The following TEX11 variants were observed in gnomAD, a reference collection of about 807,000 sequenced individuals.
TEX11 encodes the protein testis-expressed protein 11.
In TEX11, 7 loss-of-function variants were observed where a neutral mutation model predicts 84.4. The ratio of observed to expected loss-of-function variants is 0.08; its 90% CI spans 0.05 to 0.16. The LOEUF is 0.16. Among genes scored for constraint, TEX11 ranks in the 10% least tolerant of loss-of-function variants. TEX11 has a pLI of 1.00. For synonymous variants in TEX11, 264 were observed against 222.8 expected (o/e 1.18, Z -1.64); for missense variants, 551 against 660.5 (o/e 0.83, Z 1.82).
intron 17 of TEX11, among the ~76,000 whole-genome samples, chrX:70,648,501 TA>T (rs1569378255): frequency 9.0e-6 from 1 of 110,899 alleles, no homozygotes; most frequent in Non-Finnish European, 1.9e-5. Context: ...AATAAGTTTT[TA>T]AAAAAGACAA....
At position 70,682,829 on chromosome X, in the gene TEX11, T is replaced by C. The variant is rs894813518; in HGVS notation, c.1005-4A>G. 7.5e-6 allele frequency: 9 copies of C among 1,203,725 alleles called. No homozygotes were observed. Among genetic ancestry groups the C allele is most frequent in the Middle Eastern group, 2.3e-4 (1 of 4,324 alleles). ...GAAATGAAACCCAACAGATTCTCTGTACAATGAGACACAATTTTAAGCAAT... is the reference window on the plus strand; with the variant it reads ...GAAATGAAACCCAACAGATTCTCTGCACAATGAGACACAATTTTAAGCAAT... On this transcript the variant is annotated splice_polypyrimidine_tract_variant and splice_region_variant and intron_variant, in intron 13 of 29. Transcript: ENST00000374333.
At chrX:70,669,487 T>C (rs2147635382) in intron 16 of TEX11, among the ~76,000 whole-genome samples, 1 of 112,829 alleles carries the variant, frequency 8.9e-6, no homozygotes, top group East Asian at 2.8e-4. Context: ...AGTTAAATGC[T>C]AGCCTGTACA....
At chrX:70,642,201 C>G (rs1162367626) in intron 17 of TEX11, among the ~76,000 whole-genome samples, 1 of 111,933 alleles carries the variant, frequency 8.9e-6, no homozygotes, top group Admixed American at 9.5e-5. Flanking sequence ...CACATACACT[C>G]TTCCAAGACT....
chrX:70,640,938 A>G (rs746328543), intron 17 of TEX11, among the ~76,000 whole-genome samples: 1 of 111,128 alleles, frequency 9.0e-6, no homozygotes, highest in South Asian at 4.0e-4. Flanking sequence ...TTAAATGTAA[A>G]TGGACTAAAT....
At chrX:70,869,086 A>ATAAAG (rs2091616297) in intron 4 of TEX11, among the ~76,000 whole-genome samples, 1 of 103,872 alleles carries the variant, frequency 9.6e-6, no homozygotes, top group African/African-American at 3.5e-5. Context: ...ATAAAATAAA[A>ATAAAG]TAAAATAAAA....
At chrX:70,852,980 C>T in intron 7 of TEX11, 54 bp downstream of exon 7, 1 of 1,161,145 alleles carries the variant, frequency 8.6e-7, no homozygotes, top group Non-Finnish European at 1.2e-6. Context: ...ATCACTTTTA[C>T]TTTTACATAT....
At chrX:70,759,342 T>C (rs192198704) in intron 9 of TEX11, among the ~76,000 whole-genome samples, 1 of 111,778 alleles carries the variant, frequency 8.9e-6, no homozygotes, top group East Asian at 2.8e-4. Context: ...CCAATAGCCC[T>C]GCTGAACATC....
chrX:70,572,768 G>A (rs1403313603), intron 25 of TEX11, among the ~76,000 whole-genome samples: 7 of 101,315 alleles, frequency 6.9e-5, no homozygotes, highest in South Asian at 5.0e-4. Flanking sequence ...ACCAAGCACC[G>A]CATGTTCTCA....
intron 25 of TEX11, among the ~76,000 whole-genome samples, chrX:70,566,016 T>G (rs1451633073): frequency 7.3e-5 from 8 of 110,199 alleles, no homozygotes; most frequent in Non-Finnish European, 1.1e-4. Context: ...TTTCACGATA[T>G]TGATTCCTCC....
intron 25 of TEX11, among the ~76,000 whole-genome samples, chrX:70,589,890 A>T (rs2147495211): frequency 8.9e-6 from 1 of 112,076 alleles, no homozygotes; most frequent in East Asian, 2.8e-4. Context: ...TTCTACTATG[A>T]GTTATTTTCA....
chrX:70,805,651 T>C (rs925239022), intron 9 of TEX11, among the ~76,000 whole-genome samples: 2 of 112,201 alleles, frequency 1.8e-5, no homozygotes, highest in Non-Finnish European at 3.8e-5. Flanking sequence ...TCTGCCCACC[T>C]TGGCCTCCCA....
chrX:70,753,415 G>A (rs766804437), intron 9 of TEX11, among the ~76,000 whole-genome samples: 1 of 111,166 alleles, frequency 9.0e-6, no homozygotes, highest in African/African-American at 3.3e-5. Context: ...GCTACAGTAG[G>A]ATAGGGCCTG....
chrX:70,732,011 A>G (rs2090656353), intron 11 of TEX11, among the ~76,000 whole-genome samples: 1 of 112,204 alleles, frequency 8.9e-6, no homozygotes, highest in South Asian at 3.7e-4. Flanking sequence ...GTGCAAATCA[A>G]TAAATGTAAT....
At chrX:70,791,530 T>C (rs771005992) in intron 9 of TEX11, among the ~76,000 whole-genome samples, 4 of 111,939 alleles carry the variant, frequency 3.6e-5, no homozygotes, top group African/African-American at 6.5e-5. Context: ...CTACAAAATA[T>C]GTCACTCAGC....
chrX:70,696,098 A>G (rs1467152123), intron 13 of TEX11, among the ~76,000 whole-genome samples: 1 of 111,630 alleles, frequency 9.0e-6, no homozygotes, highest in Non-Finnish European at 1.9e-5. Context: ...TACCTGAAAA[A>G]CCTTAACCCT....
chrX:70,527,656 T>C (rs1432892519), downstream of TEX11, among the ~76,000 whole-genome samples: 3 of 112,092 alleles, frequency 2.7e-5, no homozygotes, highest in Non-Finnish European at 5.6e-5. Context: ...GTGGATTAGA[T>C]GGTAGAATTG....
At chrX:70,580,817 C>A (rs1261558448) in intron 25 of TEX11, among the ~76,000 whole-genome samples, 1 of 111,775 alleles carries the variant, frequency 8.9e-6, no homozygotes, top group Non-Finnish European at 1.9e-5. Context: ...CCTGTTCTGA[C>A]AAACTTTTAT....
intron 2 of TEX11, among the ~76,000 whole-genome samples, chrX:70,884,753 C>A (rs1781797277): frequency 9.1e-6 from 1 of 110,248 alleles, no homozygotes; most frequent in Non-Finnish European, 1.9e-5. Context: ...CTATTCACAG[C>A]AGTGTATTGT....
At chrX:70,859,932 C>T (rs12840262) in intron 5 of TEX11, among the ~76,000 whole-genome samples, 1 of 111,750 alleles carries the variant, frequency 8.9e-6, no homozygotes, top group South Asian at 3.8e-4. Flanking sequence ...AGGAGAATTG[C>T]TTGAACCCAG....
Sources: allele counts gnomAD v4.1 joint callset (sites outside exome capture counted in the v4.1 genomes callset), GRCh38; gene constraint gnomAD v4.1.1; transcripts MANE v1.5; gene names NCBI Gene and HGNC (gene_info 2026-07-23, HGNC 2026-07-21).